HDAC2: variants seen among roughly 807,000 people sequenced by gnomAD.
HDAC2 encodes histone deacetylase 2.
HDAC2 carries 5 observed loss-of-function variants against 68.5 expected under a neutral mutation model. The observed-to-expected ratio is 0.07, with a 90% confidence interval of 0.04 to 0.15. The LOEUF (loss-of-function observed/expected upper bound fraction) is 0.15. HDAC2 is among the 10% of genes least tolerant of loss of function. The probability of loss-of-function intolerance (pLI) is 1.00; values close to 1 mark genes in which losing one functional copy is unlikely to be tolerated. For synonymous variants in HDAC2, 182 were observed against 191.3 expected (o/e 0.95, Z 0.40); for missense variants, 291 against 600.8 (o/e 0.48, Z 5.39).
chr6:113,964,728 C>A (rs546202984), intron 1 of HDAC2, among the ~76,000 whole-genome samples: 1 of 152,342 alleles, frequency 6.6e-6, no homozygotes, highest in African/African-American at 2.4e-5. Context: ...TATAAACTCA[C>A]AGAGGTTAAC....
At chr6:113,952,033 A>G (rs1776431955) in intron 6 of HDAC2, among the ~76,000 whole-genome samples, 1 of 152,174 alleles carries the variant, frequency 6.6e-6, no homozygotes, top group Admixed American at 6.5e-5. Flanking sequence ...GACTTCCACT[A>G]GGATGTAATG....
chr6:113,945,876 G>A (rs1776253864), intron 9 of HDAC2, 132 bp downstream of exon 9: 1 of 736,910 alleles, frequency 1.4e-6, no homozygotes, highest in Non-Finnish European at 2.3e-6. Flanking sequence ...TAGGTTAAGT[G>A]TATTATATCC....
rs1352777279 is a variant in HDAC2 at position 113,935,643 on chromosome 6, T to G, written c.*5415A>C. ...GCAAAATGGGTCTGGCCAAAAAAAA[T>G]CTCCTATTCAGAATCCTGCTACTCA... On this transcript the variant is annotated 3_prime_UTR_variant, in exon 14 of 14. Coordinates refer to ENST00000519065, the MANE Select transcript of HDAC2 (RefSeq NM_001527.4). 1 of 152,092 alleles carries G rather than the reference T, an allele frequency of 6.6e-6. No individual in the cohort carries two copies. Among genetic ancestry groups the G allele is most frequent in the Admixed American group, 6.5e-5 (1 of 15,280 alleles). The allele number at this position is 152,092 out of a possible 1,614,324, so 9.4% of individuals were successfully genotyped here. A position where few individuals can be genotyped will look rare whatever the true frequency, so the allele number is the denominator to read the frequency against.
At chr6:113,970,817 G>A (rs961490437) in intron 1 of HDAC2, 40 bp downstream of exon 1, 16 of 1,513,988 alleles carry the variant, frequency 1.1e-5, no homozygotes, top group East Asian at 7.6e-5. Flanking sequence ...CCCAGCGCCC[G>A]GCCCCGCGCG....
intron 5 of HDAC2, among the ~76,000 whole-genome samples, chr6:113,953,846 GTTT>G (rs1019691074): frequency 1.8e-4 from 28 of 152,112 alleles, no homozygotes; most frequent in African/African-American, 5.8e-4. Flanking sequence ...GAACTAAGAA[GTTT>G]TTATTATTTT....
intron 5 of HDAC2, chr6:113,955,802 T>C (rs1381277515): frequency 4.3e-6 from 2 of 461,252 alleles, no homozygotes; most frequent in Non-Finnish European, 7.5e-6. Context: ...TGGGCCATAG[T>C]GCCTGGCCAC....
intron 5 of HDAC2, 22 bp downstream of exon 5, chr6:113,955,991 G>A (rs1337080453): frequency 4.5e-6 from 7 of 1,548,682 alleles, no homozygotes; most frequent in Admixed American, 3.8e-5. Flanking sequence ...ACTGAAAAGA[G>A]TATCAATATA....
chr6:113,953,168 A>G lies in HDAC2; in HGVS notation c.639+109T>C, dbSNP rs142419075. 36 of 770,952 alleles carry G rather than the reference A, an allele frequency of 4.7e-5. No homozygotes were observed. The African/African-American group carries it at 6.3e-4, about 13-fold the overall frequency. The allele number at this position is 770,952 out of a possible 1,614,324, so 47.8% of individuals were successfully genotyped here. ...TGCATACGTAGTAATTCAATTCTGC[A>G]TACAAGTTTCAAATTATTAACTCAG... On this transcript the variant is annotated intron_variant, in intron 6 of 13. Coordinates refer to ENST00000519065, the MANE Select transcript of HDAC2 (RefSeq NM_001527.4).
At chr6:113,968,501 T>C (rs555636654) in intron 1 of HDAC2, 1 of 152,330 alleles carries the variant, frequency 6.6e-6, no homozygotes, top group South Asian at 2.1e-4. Context: ...ATAATTAGCA[T>C]AATATAAACA....
At chr6:113,941,656 G>T in intron 13 of HDAC2, 52 bp downstream of exon 13, 1 of 687,538 alleles carries the variant, frequency 1.5e-6, no homozygotes. Flanking sequence ...CAATAAACAT[G>T]TTTAGTATTT....
chr6:113,942,406 T>A (rs1287586543), intron 12 of HDAC2, among the ~76,000 whole-genome samples: 1 of 148,022 alleles, frequency 6.8e-6, no homozygotes, highest in Non-Finnish European at 1.5e-5. Flanking sequence ...ATGTGTCAGA[T>A]GTTATAGATT....
At chr6:113,966,388 T>TA (rs1426083314) in intron 1 of HDAC2, among the ~76,000 whole-genome samples, 10 of 151,564 alleles carry the variant, frequency 6.6e-5, no homozygotes, top group Admixed American at 6.6e-4. Flanking sequence ...CCATCTCTAC[T>TA]AAAAAATACA....
At chr6:113,968,509 A>G (rs573743743) in intron 1 of HDAC2, 22 of 152,366 alleles carry the variant, frequency 1.4e-4, no homozygotes, top group Middle Eastern at 3.4e-3. Context: ...CATAATATAA[A>G]CATTAATAAT....
intron 8 of HDAC2, chr6:113,948,722 C>A (rs1776325106): frequency 2.5e-6 from 1 of 400,646 alleles, no homozygotes. Context: ...GAGTCAACAA[C>A]CATTCAAAAA....
chr6:113,961,505 C>A (rs1373928911), intron 1 of HDAC2, among the ~76,000 whole-genome samples: 1 of 152,090 alleles, frequency 6.6e-6, no homozygotes, highest in Non-Finnish European at 1.5e-5. Flanking sequence ...GGCTAAGAAA[C>A]AATATAGAGT....
chr6:113,964,908 C>T (rs1347423491), intron 1 of HDAC2, among the ~76,000 whole-genome samples: 2 of 152,208 alleles, frequency 1.3e-5, no homozygotes, highest in Non-Finnish European at 1.5e-5. Context: ...CATTCCTCAG[C>T]TCCAACTCCA....
At position 113,970,725 on chromosome 6, in the gene HDAC2, G is replaced by A. The variant is rs1405968622; in HGVS notation, c.52+132C>T. The A allele has an allele frequency of 2.1e-6, 3 of 1,397,654 alleles. No individual in the cohort carries two copies. In the African/African-American group the frequency reaches 4.6e-5, roughly 21 times the overall value. 86.6% of individuals were successfully genotyped at this position (1,397,654 alleles called of 1,614,324 possible). On this transcript the variant is annotated intron_variant, in intron 1 of 13. Transcript: ENST00000519065. ...GTTCTAACTGTGCCGGGCCGGGAACGGGTTAAGATGCGGCCAAATGTCGGT... is the reference window on the plus strand; with the variant it reads ...GTTCTAACTGTGCCGGGCCGGGAACAGGTTAAGATGCGGCCAAATGTCGGT...
Position 113,946,158 on chromosome 6 carries a change from G to C in HDAC2, c.842-10C>G. On this transcript the variant is annotated splice_polypyrimidine_tract_variant and intron_variant, in intron 8 of 13. Transcript: ENST00000519065. ...ACACATTTAGCATGACCTAAGACAAGAAGATTTGGGTAACAACAAAATCTG... is the reference window on the plus strand; with the variant it reads ...ACACATTTAGCATGACCTAAGACAACAAGATTTGGGTAACAACAAAATCTG... The C allele has an allele frequency of 6.2e-7, 1 of 1,604,472 alleles. No individual in the cohort carries two copies. The highest frequency in any genetic ancestry group is 2.2e-5 in the East Asian group (1 of 44,656).
At position 113,971,131 on chromosome 6, in the gene HDAC2, C is replaced by G; in HGVS notation, c.-223G>C. The G allele has an allele frequency of 6.5e-7, 1 of 1,542,116 alleles. No individual in the cohort carries two copies. Among genetic ancestry groups the G allele is most frequent in the Non-Finnish European group, 8.8e-7 (1 of 1,142,490 alleles). The stretch of plus-strand genomic sequence containing the variant: ...CTCGGAATCGGAGGTGGCAGCGGCA[C>G]CAACTCGCGAGGAGGGGGCCACCAA... On this transcript the variant is annotated 5_prime_UTR_variant, in exon 1 of 14. Coordinates refer to ENST00000519065, the MANE Select transcript of HDAC2 (RefSeq NM_001527.4).
Sources: allele counts gnomAD v4.1 joint callset (sites outside exome capture counted in the v4.1 genomes callset), GRCh38; gene constraint gnomAD v4.1.1; transcripts MANE v1.5; gene names NCBI Gene and HGNC (gene_info 2026-07-23, HGNC 2026-07-21).